Variants in ATXN1 observed in about 807,000 individuals in gnomAD.
ATXN1 encodes the protein ataxin 1.
Under a neutral mutation model 56.4 loss-of-function variants are expected in ATXN1, and 8 were observed. The ratio of observed to expected loss-of-function variants is 0.14; its 90% CI spans 0.08 to 0.26. ATXN1 has a LOEUF of 0.26. Among genes scored for constraint, ATXN1 ranks in the 10% least tolerant of loss-of-function variants. ATXN1 has a pLI of 1.00. For synonymous variants in ATXN1, 514 were observed against 494.6 expected (o/e 1.04, Z -0.52); for missense variants, 987 against 1,106.5 (o/e 0.89, Z 1.53).
intron 2 of ATXN1, among the ~76,000 whole-genome samples, chr6:16,697,016 T>C (rs1306528511): frequency 6.6e-6 from 1 of 152,188 alleles, no homozygotes; most frequent in African/African-American, 2.4e-5. Flanking sequence ...TGCTCACTCT[T>C]TGGGACACCA....
Position 16,306,005 on chromosome 6 carries a change from G to T in ATXN1, c.*324C>A. The T allele has an allele frequency of 4.2e-6, 1 of 235,718 alleles. No homozygotes were observed. Among genetic ancestry groups the T allele is most frequent in the Non-Finnish European group, 8.5e-6 (1 of 118,032 alleles). The allele number at this position is 235,718 out of a possible 1,614,324, so 14.6% of individuals were successfully genotyped here. A position where few individuals can be genotyped will look rare whatever the true frequency, so the allele number is the denominator to read the frequency against. On this transcript the variant is annotated 3_prime_UTR_variant, in exon 8 of 8. Coordinates refer to ENST00000436367, the MANE Select transcript of ATXN1 (RefSeq NM_001128164.2). This position sits in a 1 kb window ranked among gnomAD's most constrained non-coding sequence, Gnocchi z 5.2. ...ACGGGACTTTTCTCCTGACACTAGC[G>T]GGAGTCAGCGCCCCCGGCTGCTTCT...
chr6:16,478,047 A>G (rs892995360), intron 6 of ATXN1, among the ~76,000 whole-genome samples: 16 of 152,166 alleles, frequency 1.1e-4, no homozygotes, highest in Non-Finnish European at 2.1e-4. Context: ...TGCTAGGACA[A>G]CTGGCGTCAC....
chr6:16,660,831 G>GTTTT (rs1491535308), intron 2 of ATXN1, among the ~76,000 whole-genome samples: 21 of 131,196 alleles, frequency 1.6e-4, no homozygotes, highest in African/African-American at 6.2e-4. Flanking sequence ...ATTTTGTTTT[G>GTTTT]GTTTTTTTTT....
chr6:16,521,029 AC>A (rs1373658342), intron 5 of ATXN1, among the ~76,000 whole-genome samples: 1 of 152,116 alleles, frequency 6.6e-6, no homozygotes, highest in Non-Finnish European at 1.5e-5. Context: ...CCCTTTGACC[AC>A]TCCCTAGGTG....
At chr6:16,572,150 G>GA (rs2113751463) in intron 4 of ATXN1, among the ~76,000 whole-genome samples, 1 of 152,222 alleles carries the variant, frequency 6.6e-6, no homozygotes. Context: ...ACTAGAACCA[G>GA]AACTTCCACA....
At chr6:16,659,941 GA>G (rs200399288) in intron 2 of ATXN1, among the ~76,000 whole-genome samples, 2 of 147,764 alleles carry the variant, frequency 1.4e-5, no homozygotes, top group African/African-American at 2.5e-5. Flanking sequence ...TATTCATACA[GA>G]AAAAAAAAAT....
intron 2 of ATXN1, among the ~76,000 whole-genome samples, chr6:16,658,782 G>GC (rs1200187292): frequency 1.3e-5 from 2 of 152,146 alleles, no homozygotes; most frequent in African/African-American, 4.8e-5. Context: ...CCTTTTATGA[G>GC]CTCATCCTCA....
At chr6:16,741,632 A>T (rs1488278505) in intron 2 of ATXN1, among the ~76,000 whole-genome samples, 1 of 152,202 alleles carries the variant, frequency 6.6e-6, no homozygotes, top group African/African-American at 2.4e-5. Flanking sequence ...TACACATATT[A>T]AAAAACCCTC....
rs141599655 is a variant in ATXN1, at chr6:16,503,910, G to A, written c.-298-17801C>T. Among the ~76,000 whole-genome samples, 502 of 152,204 alleles carry A rather than the reference G, an allele frequency of 3.3e-3. 5 individuals carry two copies. The highest frequency in any genetic ancestry group is 0.024 in the Admixed American group (362 of 15,264). On this transcript the variant is annotated intron_variant, in intron 5 of 7. Transcript: ENST00000436367. ...TGGCATTAAGTACGTTCACAATGAT[G>A]CACAACCATTACCACCATCCACCCC...
At position 16,303,444 on chromosome 6, in the gene ATXN1, T is replaced by G. The variant is rs1288927275; in HGVS notation, c.*2885A>C. 6.5e-6 allele frequency: 1 copy of G among 152,770 alleles called. No homozygotes were observed. The highest frequency in any genetic ancestry group is 6.5e-5 in the Admixed American group (1 of 15,278). 9.5% of individuals were successfully genotyped at this position (152,770 alleles called of 1,614,324 possible). Reference sequence around the variant, plus strand: ...CCTCCTGGCTCCTTCCCTCCAGCCCTGCTCTGGCCAGAATGGGGAAGATCA... The same window carrying G: ...CCTCCTGGCTCCTTCCCTCCAGCCCGGCTCTGGCCAGAATGGGGAAGATCA... On this transcript the variant is annotated 3_prime_UTR_variant, in exon 8 of 8. Transcript: ENST00000436367. The surrounding 1 kb of genome is among the most constrained non-coding windows in gnomAD (Gnocchi z 4.3).
chr6:16,419,893 G>C (rs1758996261), intron 6 of ATXN1, among the ~76,000 whole-genome samples: 1 of 152,194 alleles, frequency 6.6e-6, no homozygotes, highest in South Asian at 2.1e-4. Flanking sequence ...GACGGATGAG[G>C]ACCGCTCATC....
At chr6:16,565,868 A>G (rs1762207060) in intron 4 of ATXN1, among the ~76,000 whole-genome samples, 1 of 152,184 alleles carries the variant, frequency 6.6e-6, no homozygotes, top group South Asian at 2.1e-4. Context: ...TATCAGCTAT[A>G]AAATATAAAC....
chr6:16,654,753 CA>C (rs200337758), intron 3 of ATXN1, among the ~76,000 whole-genome samples: 1,686 of 152,106 alleles, frequency 0.011, 18 homozygotes, highest in Middle Eastern at 0.065. Context: ...GAGGAAGATA[CA>C]GGATAGAAAA....
intron 3 of ATXN1, among the ~76,000 whole-genome samples, chr6:16,588,441 TCTC>T (rs1762667004): frequency 6.6e-6 from 1 of 152,186 alleles, no homozygotes; most frequent in Non-Finnish European, 1.5e-5. Flanking sequence ...TGCTAAGACT[TCTC>T]CTCAAATCAC....
intron 2 of ATXN1, among the ~76,000 whole-genome samples, chr6:16,724,843 C>T (rs982696923): frequency 3.3e-5 from 5 of 152,096 alleles, no homozygotes; most frequent in Admixed American, 2.0e-4. Context: ...TTAGATTTTT[C>T]CTGTTATTTT....
At chr6:16,505,278 T>A (rs186066499) in intron 5 of ATXN1, among the ~76,000 whole-genome samples, 3 of 152,268 alleles carry the variant, frequency 2.0e-5, no homozygotes, top group Admixed American at 2.0e-4. Context: ...AAGCTTACCA[T>A]GTGTTGAATT....
At chr6:16,752,765 A>C (rs1381023615) in intron 2 of ATXN1, among the ~76,000 whole-genome samples, 1 of 152,208 alleles carries the variant, frequency 6.6e-6, no homozygotes, top group East Asian at 1.9e-4. Flanking sequence ...AAAATCAGGA[A>C]GTTGTAAAAT....
chr6:16,396,463 G>T (rs1476765992), intron 6 of ATXN1, among the ~76,000 whole-genome samples: 1 of 152,062 alleles, frequency 6.6e-6, no homozygotes, highest in African/African-American at 2.4e-5. Context: ...AAATATTCTT[G>T]TACAGCTGTA....
chr6:16,557,844 C>A (rs1218792959), intron 4 of ATXN1, among the ~76,000 whole-genome samples: 2 of 152,010 alleles, frequency 1.3e-5, no homozygotes, highest in African/African-American at 4.8e-5. Flanking sequence ...AAGATTTGAA[C>A]GTAAAAAATG....
Sources: allele counts gnomAD v4.1 joint callset (sites outside exome capture counted in the v4.1 genomes callset), GRCh38; gene constraint gnomAD v4.1.1; non-coding constraint Gnocchi (gnomAD v3.1); transcripts MANE v1.5; gene names NCBI Gene and HGNC (gene_info 2026-07-23, HGNC 2026-07-21).